Variants in CLINT1 observed in about 807,000 individuals in gnomAD.
The protein encoded by CLINT1 is clathrin interacting protein localized in the trans-Golgi region.
CLINT1 carries 15 observed loss-of-function variants against 70.4 expected under a neutral mutation model. The observed-to-expected ratio is 0.21, with a 90% CI of 0.14 to 0.33. The LOEUF is 0.33. Ranked by LOEUF, CLINT1 falls within the 10% of genes least tolerant of loss-of-function variation. The pLI is 1.00. For missense variants in CLINT1, 615 were observed against 778.1 expected, an observed-to-expected ratio of 0.79 and a Z score of 2.49; for synonymous variants, 227 against 254.7, an observed-to-expected ratio of 0.89 and a Z score of 1.04.
intron 1 of CLINT1, among the ~76,000 whole-genome samples, chr5:157,846,832 C>G (rs1235928561): frequency 1.3e-5 from 2 of 152,200 alleles, no homozygotes; most frequent in African/African-American, 4.8e-5. Flanking sequence ...ATCTACTCTG[C>G]TTGTGCTATA....
chr5:157,823,739 AC>A, intron 1 of CLINT1: 1 of 822,720 alleles, frequency 1.2e-6, no homozygotes. Context: ...AACATAAAAC[AC>A]CCATAAAATT....
At chr5:157,814,762 G>A (rs970944811) in intron 3 of CLINT1, among the ~76,000 whole-genome samples, 1 of 152,082 alleles carries the variant, frequency 6.6e-6, no homozygotes, top group Non-Finnish European at 1.5e-5. Flanking sequence ...CAGGCTCAGC[G>A]GCTCATGCCT....
At chr5:157,826,811 A>G (rs542173352) in intron 1 of CLINT1, among the ~76,000 whole-genome samples, 8 of 152,316 alleles carry the variant, frequency 5.3e-5, no homozygotes, top group Non-Finnish European at 1.2e-4. Context: ...TGAGTAGCTG[A>G]CATTAACCTA....
At chr5:157,818,893 C>G (rs1762798743) in intron 1 of CLINT1, among the ~76,000 whole-genome samples, 1 of 152,036 alleles carries the variant, frequency 6.6e-6, no homozygotes. Context: ...ATCGAAAGCT[C>G]CAATTATTAC....
intron 1 of CLINT1, among the ~76,000 whole-genome samples, chr5:157,854,664 C>T (rs917244149): frequency 1.3e-5 from 2 of 152,192 alleles, no homozygotes; most frequent in African/African-American, 4.8e-5. Context: ...GAGACTAGAA[C>T]AGCAGTTTCT....
intron 1 of CLINT1, among the ~76,000 whole-genome samples, chr5:157,849,163 G>A (rs1192076244): frequency 6.6e-6 from 1 of 152,198 alleles, no homozygotes; most frequent in Non-Finnish European, 1.5e-5. Flanking sequence ...GCATGCTACA[G>A]AGAAATCATC....
chr5:157,836,505 T>G (rs1411639616), intron 1 of CLINT1, among the ~76,000 whole-genome samples: 1 of 152,214 alleles, frequency 6.6e-6, no homozygotes, highest in East Asian at 1.9e-4. Context: ...CAAGAGTAAG[T>G]TACATGGCCC....
At chr5:157,795,832 T>A (rs1302005857) in intron 8 of CLINT1, 1 of 152,122 alleles carries the variant, frequency 6.6e-6, no homozygotes, top group Non-Finnish European at 1.5e-5. Flanking sequence ...AGTTGAGAGA[T>A]CAGCCTGGGC....
intron 1 of CLINT1, among the ~76,000 whole-genome samples, chr5:157,854,190 A>C (rs756503247): frequency 6.6e-6 from 1 of 152,216 alleles, no homozygotes. Flanking sequence ...TGATATCTGA[A>C]GACTGAAAGA....
At chr5:157,794,729 C>T (rs1262475903) in intron 9 of CLINT1, among the ~76,000 whole-genome samples, 169 bp downstream of exon 9, 2 of 152,162 alleles carry the variant, frequency 1.3e-5, no homozygotes, top group East Asian at 3.8e-4. Flanking sequence ...ATTCATTTGG[C>T]ACATTTAAGG....
rs185577114 is a variant in CLINT1, at chr5:157,790,743, T to C, written c.1380+960A>G. Reference sequence around the variant, plus strand: ...AAGTTCCTGGTACCATTCAGACACATATTTTCCAAGCCTGCACTTGTCTGA... The same window carrying C: ...AAGTTCCTGGTACCATTCAGACACACATTTTCCAAGCCTGCACTTGTCTGA... On this transcript the variant is annotated intron_variant, in intron 10 of 11. Transcript: ENST00000411809. The C allele has an allele frequency of 2.7e-5, 11 of 409,118 alleles. No homozygotes were observed. In the East Asian group the frequency reaches 3.8e-4, roughly 14 times the overall value. The allele number at this position is 409,118 out of a possible 1,614,324, so 25.3% of individuals were successfully genotyped here.
intron 1 of CLINT1, among the ~76,000 whole-genome samples, chr5:157,839,479 C>A (rs903036798): frequency 7.9e-5 from 12 of 151,982 alleles, no homozygotes; most frequent in Non-Finnish European, 1.5e-4. Flanking sequence ...CAGGCAGGCA[C>A]CTGTAATCCC....
Position 157,809,780 on chromosome 5 carries a change from T to C in CLINT1, c.543A>G (p.Lys181=). ...TATCCCACTCCTCATCCCATTTTGATTTGGGCTCAGGATCATATCTTTCAC... is the reference window on the plus strand; with the variant it reads ...TATCCCACTCCTCATCCCATTTTGACTTGGGCTCAGGATCATATCTTTCAC... ...RYSERYDPEP[K]SKWDEEWDKN... Residue 181 remains lysine (K), a synonymous_variant, in exon 6 of 12, where the codon AAA becomes AAG. Coordinates refer to ENST00000411809, the MANE Select transcript of CLINT1 (RefSeq NM_014666.4). The C allele has an allele frequency of 6.2e-7, 1 of 1,613,132 alleles. No homozygotes were observed. The highest frequency in any genetic ancestry group is 8.5e-7 in the Non-Finnish European group (1 of 1,179,456).
At chr5:157,830,796 C>CTCTATATA (rs1300619885) in intron 1 of CLINT1, among the ~76,000 whole-genome samples, 171 of 85,688 alleles carry the variant, frequency 2.0e-3, no homozygotes, top group African/African-American at 7.1e-3. Context: ...CTCTCTCTCT[C>CTCTATATA]TATATATATA....
intron 1 of CLINT1, among the ~76,000 whole-genome samples, chr5:157,830,757 CCTCT>C (rs373819711): frequency 0.049 from 4,287 of 87,242 alleles, 121 homozygotes; most frequent in Admixed American, 0.078. Context: ...CCTCTCTCTC[CCTCT>C]CTCTCTCTCT....
chr5:157,803,180 A>C (rs1371436228), intron 8 of CLINT1, among the ~76,000 whole-genome samples: 2 of 152,258 alleles, frequency 1.3e-5, no homozygotes, highest in East Asian at 3.8e-4. Flanking sequence ...GCAACAGTTT[A>C]AATGCAATTT....
intron 1 of CLINT1, among the ~76,000 whole-genome samples, chr5:157,821,474 T>A (rs540387940): frequency 2.0e-5 from 3 of 152,266 alleles, no homozygotes; most frequent in East Asian, 1.9e-4. Flanking sequence ...GGAAAAAAAA[T>A]GTTGCTGTAA....
chr5:157,824,324 G>C (rs1405199490), intron 1 of CLINT1, among the ~76,000 whole-genome samples: 2 of 152,152 alleles, frequency 1.3e-5, no homozygotes, highest in Non-Finnish European at 2.9e-5. Context: ...TTTCATTACA[G>C]TCCTGTGAAC....
At chr5:157,819,494 T>C (rs557540067) in intron 1 of CLINT1, among the ~76,000 whole-genome samples, 12 of 152,318 alleles carry the variant, frequency 7.9e-5, no homozygotes, top group African/African-American at 1.9e-4. Context: ...AACAGTTTTA[T>C]GTATAAATGT....
Sources: gnomAD v4.1 joint callset for allele counts (sites outside exome capture counted in the v4.1 genomes callset) on GRCh38, gnomAD v4.1.1 for gene constraint, MANE v1.5 for transcripts, NCBI Gene and HGNC (gene_info 2026-07-23, HGNC 2026-07-21) for gene names.